SKAP2: variants seen among roughly 807,000 people sequenced by gnomAD.
SKAP2 encodes src kinase-associated phosphoprotein 2.
Under a neutral mutation model 54.9 loss-of-function variants are expected in SKAP2, and 28 were observed. The observed-to-expected ratio is 0.51, with a 90% CI of 0.38 to 0.70. The LOEUF (loss-of-function observed/expected upper bound fraction) is 0.70. SKAP2 is among the 30% of genes least tolerant of loss of function. The probability of loss-of-function intolerance (pLI) is 0.00; values close to 1 mark genes in which losing one functional copy is unlikely to be tolerated. For synonymous variants in SKAP2, 137 were observed against 134.3 expected (o/e 1.02, Z -0.14); for missense variants, 356 against 424.1 (o/e 0.84, Z 1.41).
At chr7:26,837,352 G>A (rs1056813055) in intron 4 of SKAP2, among the ~76,000 whole-genome samples, 3 of 151,918 alleles carry the variant, frequency 2.0e-5, no homozygotes, top group African/African-American at 7.3e-5. Flanking sequence ...AAAAGAAAGA[G>A]GTTTAATTGG....
intron 11 of SKAP2, among the ~76,000 whole-genome samples, chr7:26,676,920 T>G (rs1230323267): frequency 6.6e-6 from 1 of 152,206 alleles, no homozygotes; most frequent in African/African-American, 2.4e-5. Context: ...CGTGAAGGCC[T>G]GCAGAGATAA....
At chr7:26,724,509 G>A (rs1192450892) in intron 9 of SKAP2, among the ~76,000 whole-genome samples, 1 of 152,030 alleles carries the variant, frequency 6.6e-6, no homozygotes, top group African/African-American at 2.4e-5. Context: ...CATTAATTTG[G>A]AACATTTTAA....
At position 26,667,713 on chromosome 7, in the gene SKAP2, G is replaced by C. The variant is rs546990132; in HGVS notation, c.*1953C>G. ...CCATCATGGGCGAGTTTGTGCCATGGGGGAAGGGTTTCAAGAGGTTTTGTC... is the reference window on the plus strand; with the variant it reads ...CCATCATGGGCGAGTTTGTGCCATGCGGGAAGGGTTTCAAGAGGTTTTGTC... On this transcript the variant is annotated 3_prime_UTR_variant, in exon 13 of 13. Coordinates refer to ENST00000345317, the MANE Select transcript of SKAP2 (RefSeq NM_003930.5). 6.5e-6 allele frequency: 1 copy of C among 152,680 alleles called. No homozygotes were observed. Among genetic ancestry groups the C allele is most frequent in the South Asian group, 2.1e-4 (1 of 4,820 alleles). The allele number at this position is 152,680 out of a possible 1,614,324, so 9.5% of individuals were successfully genotyped here. A position where few individuals can be genotyped will look rare whatever the true frequency, so the allele number is the denominator to read the frequency against.
At chr7:26,821,014 G>C (rs13438513) in intron 4 of SKAP2, among the ~76,000 whole-genome samples, 32,310 of 152,054 alleles carry the variant, frequency 0.21, 3,513 homozygotes, top group Non-Finnish European at 0.24. Flanking sequence ...TTCAAAGTCA[G>C]AGTGTCAAAC....
chr7:26,810,287 C>T lies in SKAP2; in HGVS notation c.307+33743G>A, dbSNP rs527754789. 1.7e-4 allele frequency among the ~76,000 whole-genome samples: 26 copies of T among 151,612 alleles called. No individual in the cohort carries two copies. The East Asian group carries it at 5.1e-3, about 29-fold the overall frequency. On this transcript the variant is annotated intron_variant, in intron 4 of 12. Coordinates refer to ENST00000345317, the MANE Select transcript of SKAP2 (RefSeq NM_003930.5). ...AGTAAACTGAGATTGCACCACTGCA[C>T]TCCAGCCTGGACCATGTCTCTAAAA...
At chr7:26,860,488 G>A (rs1007681878) in intron 1 of SKAP2, among the ~76,000 whole-genome samples, 1 of 151,952 alleles carries the variant, frequency 6.6e-6, no homozygotes, top group African/African-American at 2.4e-5. Flanking sequence ...GCCCAAATGG[G>A]GCAGGCTTGT....
chr7:26,673,669 A>G (rs953941933), intron 11 of SKAP2, among the ~76,000 whole-genome samples: 5 of 152,110 alleles, frequency 3.3e-5, no homozygotes, highest in Non-Finnish European at 7.4e-5. Flanking sequence ...AAAAAGCCAA[A>G]CTTGCCCAGT....
chr7:26,792,908 T>C (rs1443936502), intron 4 of SKAP2, among the ~76,000 whole-genome samples: 1 of 152,208 alleles, frequency 6.6e-6, no homozygotes, highest in African/African-American at 2.4e-5. Context: ...GTGAAAGGCC[T>C]ACATAAAATT....
chr7:26,675,499 C>A (rs932093496), intron 11 of SKAP2, among the ~76,000 whole-genome samples: 3 of 152,098 alleles, frequency 2.0e-5, no homozygotes, highest in African/African-American at 7.2e-5. Context: ...AAATAAAGTA[C>A]AAACTCATTA....
At chr7:26,716,015 G>A (rs1787426542) in intron 9 of SKAP2, among the ~76,000 whole-genome samples, 1 of 152,170 alleles carries the variant, frequency 6.6e-6, no homozygotes, top group Admixed American at 6.5e-5. Flanking sequence ...ACCATAGTCT[G>A]TATAACACAG....
At chr7:26,662,134 A>G (rs1562567172), downstream of SKAP2, among the ~76,000 whole-genome samples, 1 of 152,154 alleles carries the variant, frequency 6.6e-6, no homozygotes, top group African/African-American at 2.4e-5. Context: ...CTAAAGGGGT[A>G]GGGTCACTCT....
intron 4 of SKAP2, among the ~76,000 whole-genome samples, chr7:26,842,466 AT>A (rs1388234729): frequency 6.6e-6 from 1 of 151,798 alleles, no homozygotes; most frequent in Non-Finnish European, 1.5e-5. Context: ...TCTGGCTCTC[AT>A]AGATATTTAA....
intron 4 of SKAP2, among the ~76,000 whole-genome samples, chr7:26,804,135 CAAAGGATA>C (rs1324413333): frequency 6.6e-6 from 1 of 152,128 alleles, no homozygotes; most frequent in African/African-American, 2.4e-5. Context: ...ATTTGGAACT[CAAAGGATA>C]AATGCTTGAG....
intron 4 of SKAP2, among the ~76,000 whole-genome samples, chr7:26,837,998 C>T (rs911875026): frequency 6.6e-6 from 1 of 152,170 alleles, no homozygotes; most frequent in Non-Finnish European, 1.5e-5. Context: ...ATCACTTAAC[C>T]TCTCTATTTT....
In SKAP2 at chr7:26,844,228, G is replaced by C. The variant is rs565241643; in HGVS notation, c.200-91C>G. The C allele has an allele frequency of 1.2e-5, 9 of 759,880 alleles. No individual in the cohort carries two copies. The Admixed American group carries it at 2.0e-4, about 17-fold the overall frequency. 47.1% of individuals were successfully genotyped at this position (759,880 alleles called of 1,614,324 possible). ...TAATGTTAATGTTACTTTGTTAGAAGAGGTAAATTCTACTAGTAAATTGAG... is the reference window on the plus strand; with the variant it reads ...TAATGTTAATGTTACTTTGTTAGAACAGGTAAATTCTACTAGTAAATTGAG... On this transcript the variant is annotated intron_variant, in intron 3 of 12. Transcript: ENST00000345317.
intron 4 of SKAP2, among the ~76,000 whole-genome samples, chr7:26,748,159 C>A (rs1782598929): frequency 6.6e-6 from 1 of 152,038 alleles, no homozygotes; most frequent in African/African-American, 2.4e-5. Context: ...TAATATAGAA[C>A]TGCTGTCCCT....
chr7:26,655,405 A>C, the SKAP2 span, among the ~76,000 whole-genome samples: 1 of 152,212 alleles, frequency 6.6e-6, no homozygotes, highest in Non-Finnish European at 1.5e-5. Flanking sequence ...AATAATAATA[A>C]ACTTGAATGC....
At chr7:26,822,719 CA>C (rs60291116) in intron 4 of SKAP2, among the ~76,000 whole-genome samples, 6,108 of 137,312 alleles carry the variant, frequency 0.044, 351 homozygotes, top group African/African-American at 0.14. Context: ...ACTAAAAATA[CA>C]AAAAAAAAAA....
At chr7:26,662,380 C>A (rs893360079), downstream of SKAP2, among the ~76,000 whole-genome samples, 1 of 152,072 alleles carries the variant, frequency 6.6e-6, no homozygotes, top group Non-Finnish European at 1.5e-5. Flanking sequence ...CCCAGATAAT[C>A]CCTAAGGTTC....
Sources: gnomAD v4.1 joint callset for allele counts (sites outside exome capture counted in the v4.1 genomes callset) on GRCh38, gnomAD v4.1.1 for gene constraint, MANE v1.5 for transcripts, NCBI Gene and HGNC (gene_info 2026-07-23, HGNC 2026-07-21) for gene names.